Variants in CFAP418 observed in about 807,000 individuals in gnomAD.
CFAP418 encodes the protein cilia and flagella associated protein 418, also known as cilia- and flagella-associated protein 418.
CFAP418 carries 27 observed loss-of-function variants against 24.7 expected under a neutral mutation model. The observed-to-expected ratio is 1.09, with a 90% confidence interval of 0.81 to 1.51. The LOEUF (loss-of-function observed/expected upper bound fraction) is 1.51, where lower values mean the gene tolerates loss of function less well. Among genes scored for constraint, CFAP418 ranks in the 40% most tolerant of loss-of-function variants. CFAP418 has a pLI of 0.00. For missense variants in CFAP418, 257 were observed against 255.2 expected, an observed-to-expected ratio of 1.01 and a Z score of -0.05; for synonymous variants, 74 against 87.3, an observed-to-expected ratio of 0.85 and a Z score of 0.85.
At chr8:95,253,980 T>C (rs1255577287) in intron 4 of CFAP418, among the ~76,000 whole-genome samples, 2 of 152,266 alleles carry the variant, frequency 1.3e-5, no homozygotes, top group Non-Finnish European at 2.9e-5. Flanking sequence ...TAAATACAGC[T>C]TTTTAATTTA....
chr8:95,252,690 T>C (rs575805506), intron 4 of CFAP418, among the ~76,000 whole-genome samples: 2 of 152,342 alleles, frequency 1.3e-5, no homozygotes, highest in Non-Finnish European at 2.9e-5. Flanking sequence ...TCACATGACA[T>C]TGAAATGAAT....
intron 1 of CFAP418, among the ~76,000 whole-genome samples, chr8:95,266,033 T>C (rs1312070190): frequency 2.6e-5 from 4 of 152,234 alleles, no homozygotes; most frequent in African/African-American, 9.6e-5. Context: ...TGAGAGGTAT[T>C]ATATAGAAAG....
Position 95,245,191 on chromosome 8 carries a change from CTAAAA to C in CFAP418, c.*2421_*2425del, listed in dbSNP as rs1286849692. Reference sequence around the variant, plus strand: ...ACTATACTTTTCTTCTATACTGATACTAAAATAGTTTCATTTTCAGCTTAAATTAC... The same window carrying C: ...ACTATACTTTTCTTCTATACTGATACTAGTTTCATTTTCAGCTTAAATTAC... On this transcript the variant is annotated 3_prime_UTR_variant, in exon 6 of 6. Coordinates refer to ENST00000286688, the MANE Select transcript of CFAP418 (RefSeq NM_177965.4). The C allele has an allele frequency of 6.6e-6, 1 of 152,002 alleles. No homozygotes were observed. The highest frequency in any genetic ancestry group is 2.4e-5 in the African/African-American group (1 of 41,392). 9.4% of individuals were successfully genotyped at this position (152,002 alleles called of 1,614,324 possible). A position where few individuals can be genotyped will look rare whatever the true frequency, so the allele number is the denominator to read the frequency against.
At chr8:95,268,347 T>C (rs1041349238) in intron 1 of CFAP418, among the ~76,000 whole-genome samples, 7 of 152,002 alleles carry the variant, frequency 4.6e-5, no homozygotes, top group African/African-American at 1.5e-4. Flanking sequence ...GATTACAGGC[T>C]CGTGCCTGTA....
Position 95,246,477 on chromosome 8 carries a change from A to AGAT in CFAP418, c.*1137_*1139dup, listed in dbSNP as rs1307396865. ...GAATAAATTTAGCATAAGACTAAGA[A>AGAT]GATTATAACTTTGTTTCAATTATTC... On this transcript the variant is annotated 3_prime_UTR_variant, in exon 6 of 6. Transcript: ENST00000286688. 6.6e-6 allele frequency: 1 copy of AGAT among 152,226 alleles called. No homozygotes were observed. Among genetic ancestry groups the AGAT allele is most frequent in the African/African-American group, 2.4e-5 (1 of 41,458 alleles). The allele number at this position is 152,226 out of a possible 1,614,324, so 9.4% of individuals were successfully genotyped here.
At chr8:95,249,881 T>C (rs1360688433) in intron 5 of CFAP418, among the ~76,000 whole-genome samples, 3 of 152,222 alleles carry the variant, frequency 2.0e-5, no homozygotes, top group African/African-American at 7.2e-5. Context: ...TCGCCAGGTA[T>C]GAAAGCCTTC....
intron 5 of CFAP418, among the ~76,000 whole-genome samples, chr8:95,249,606 C>T (rs1407431346): frequency 2.6e-5 from 4 of 151,968 alleles, no homozygotes; most frequent in Admixed American, 2.6e-4. Context: ...TGAGCTGAAA[C>T]TGCAGTCCTG....
intron 1 of CFAP418, 33 bp downstream of exon 1, chr8:95,269,002 A>C (rs1225698006): frequency 1.9e-6 from 3 of 1,607,952 alleles, no homozygotes; most frequent in East Asian, 2.2e-5. Flanking sequence ...GCAGGGCTTT[A>C]CCAGAACAGT....
chr8:95,259,102 A>T (rs1811844413), intron 4 of CFAP418, among the ~76,000 whole-genome samples: 1 of 152,254 alleles, frequency 6.6e-6, no homozygotes, highest in African/African-American at 2.4e-5. Flanking sequence ...ATTCTTTCTT[A>T]AAAAATTAAC....
chr8:95,269,104 T>C lies in CFAP418; in HGVS notation c.86A>G (p.Gln29Arg), dbSNP rs1385488102. The part of the protein sequence containing the change: ...PDLLRRGMVE[Q>R]PKGCGGGTHS... ...GGTGCCGCCGCCGCAGCCTTTGGGC[T>C]GCTCGACCATACCCCGTCTTAGAAG... The change falls in exon 1 of 6, where the codon CAG becomes CGG. Residue 29 changes from glutamine to arginine, a missense_variant. By Grantham distance (43) the Gln-to-Arg change is conservative. Transcript: ENST00000286688. The C allele has an allele frequency of 6.8e-6, 11 of 1,614,220 alleles. No homozygotes were observed. The highest frequency in any genetic ancestry group is 9.3e-6 in the Non-Finnish European group (11 of 1,180,026).
chr8:95,266,340 T>C (rs1811980158), intron 1 of CFAP418, among the ~76,000 whole-genome samples: 1 of 152,184 alleles, frequency 6.6e-6, no homozygotes, highest in South Asian at 2.1e-4. Flanking sequence ...TTTTTTAATT[T>C]TTTTACTAAT....
At chr8:95,268,792 G>GGGCGC (rs1812070236) in intron 1 of CFAP418, 1 of 289,796 alleles carries the variant, frequency 3.5e-6, no homozygotes. Context: ...GGGCGGGGCG[G>GGGCGC]GGGCCAGCCC....
chr8:95,268,092 C>T (rs974830020), intron 1 of CFAP418, among the ~76,000 whole-genome samples: 4 of 152,148 alleles, frequency 2.6e-5, no homozygotes, highest in Admixed American at 6.5e-5. Flanking sequence ...GTTTAATGTT[C>T]ACAATAATTA....
intron 4 of CFAP418, among the ~76,000 whole-genome samples, chr8:95,252,930 C>T (rs1379178316): frequency 1.3e-5 from 2 of 152,156 alleles, no homozygotes; most frequent in Non-Finnish European, 2.9e-5. Flanking sequence ...GCAAGGTGCA[C>T]ACTAACATAT....
At chr8:95,251,858 A>ACT (rs1324234173) in intron 5 of CFAP418, among the ~76,000 whole-genome samples, 1 of 152,198 alleles carries the variant, frequency 6.6e-6, no homozygotes, top group African/African-American at 2.4e-5. Flanking sequence ...GGTATAGGCT[A>ACT]CTGTTCCAAG....
rs115853053 is a variant in CFAP418 at position 95,269,064 on chromosome 8, C to G, written c.126G>C (p.Arg42=). The part of the protein sequence containing the change: ...GCGGGTHSSD[R]NQAKAKETLR... The stretch of plus-strand genomic sequence containing the variant: ...GCGTCTCTTTCGCCTTGGCTTGGTT[C>G]CGGTCGCTACTGTGGGTGCCGCCGC... Residue 42 remains arginine, a synonymous_variant, in exon 1 of 6, where the codon CGG becomes CGC. Transcript: ENST00000286688. 4.2e-4 allele frequency: 674 copies of G among 1,614,174 alleles called. 2 individuals carry two copies. The African/African-American group carries it at 6.8e-3, about 16-fold the overall frequency.
chr8:95,248,952 C>T (rs1385670797), intron 5 of CFAP418, among the ~76,000 whole-genome samples: 2 of 152,148 alleles, frequency 1.3e-5, no homozygotes, highest in African/African-American at 4.8e-5. Flanking sequence ...AGGTTAGAAC[C>T]TCACAAAACC....
chr8:95,264,211 A>T (rs1249873705), intron 1 of CFAP418, among the ~76,000 whole-genome samples: 1 of 152,182 alleles, frequency 6.6e-6, no homozygotes, highest in Non-Finnish European at 1.5e-5. Context: ...AGAGGGGCCG[A>T]AGGTCATGTA....
intron 1 of CFAP418, 96 bp downstream of exon 1, chr8:95,268,939 G>A (rs1812084555): frequency 7.4e-7 from 1 of 1,354,316 alleles, no homozygotes; most frequent in Admixed American, 2.1e-5. Context: ...GCTGGAGGTC[G>A]CGGGCACGTT....
Sources: allele counts gnomAD v4.1 joint callset (sites outside exome capture counted in the v4.1 genomes callset), GRCh38; gene constraint gnomAD v4.1.1; transcripts MANE v1.5; gene names NCBI Gene and HGNC (gene_info 2026-07-23, HGNC 2026-07-21).